The following DNM3 variants were observed in gnomAD, a reference collection of about 807,000 sequenced individuals.
DNM3 encodes the protein dynamin 3, also known as dynamin-3.
A neutral mutation model predicts 101.6 loss-of-function variants in DNM3; 47 were observed. That is an observed-to-expected ratio of 0.46 (90% CI 0.37 to 0.59). The LOEUF (loss-of-function observed/expected upper bound fraction) is 0.59. DNM3 is among the 20% of genes least tolerant of loss of function. The pLI, the probability that DNM3 is intolerant of heterozygous loss-of-function variation, is 0.00. For missense variants in DNM3, 849 were observed against 1,085.7 expected (o/e 0.78, Z 3.06); for synonymous variants, 385 against 387.9 (o/e 0.99, Z 0.09).
At chr1:172,061,673 G>A (rs933766607) in intron 10 of DNM3, among the ~76,000 whole-genome samples, 5 of 135,634 alleles carry the variant, frequency 3.7e-5, no homozygotes, top group African/African-American at 1.4e-4. Context: ...ACAGGAAGGG[G>A]AACATCACAC....
intron 4 of DNM3, among the ~76,000 whole-genome samples, chr1:172,009,122 A>ATAT (rs2046937774): frequency 1.0e-4 from 14 of 138,064 alleles, no homozygotes; most frequent in Non-Finnish European, 1.5e-5. Context: ...TATATCATAT[A>ATAT]ATATATATAT....
chr1:172,304,653 TG>T (rs1265982408), intron 15 of DNM3, among the ~76,000 whole-genome samples: 1 of 152,160 alleles, frequency 6.6e-6, no homozygotes, highest in South Asian at 2.1e-4. Flanking sequence ...CCTCAGCAAA[TG>T]TAAAAGAACA....
intron 20 of DNM3, among the ~76,000 whole-genome samples, chr1:172,396,543 T>C (rs941755232): frequency 1.3e-5 from 2 of 152,198 alleles, no homozygotes; most frequent in East Asian, 3.9e-4. Context: ...AAAGTCTGGA[T>C]AGCCACAACT....
At chr1:172,012,419 A>G (rs936654789) in intron 4 of DNM3, among the ~76,000 whole-genome samples, 4 of 152,048 alleles carry the variant, frequency 2.6e-5, no homozygotes, top group Non-Finnish European at 5.9e-5. Flanking sequence ...TTCAATTGTA[A>G]GAAGGATTTG....
chr1:172,384,627 G>A (rs528034578), intron 18 of DNM3, among the ~76,000 whole-genome samples: 1 of 152,262 alleles, frequency 6.6e-6, no homozygotes, highest in South Asian at 2.1e-4. Context: ...AAGATTCAAG[G>A]CACATCTTTG....
intron 14 of DNM3, among the ~76,000 whole-genome samples, chr1:172,191,416 T>C (rs1199140098): frequency 6.6e-6 from 1 of 152,216 alleles, no homozygotes; most frequent in Non-Finnish European, 1.5e-5. Context: ...TTGGTTACTG[T>C]AGCCTTGTAG....
At chr1:171,883,204 A>G (rs1271660306) in intron 1 of DNM3, among the ~76,000 whole-genome samples, 1 of 151,676 alleles carries the variant, frequency 6.6e-6, no homozygotes. Flanking sequence ...AATTGTTTCT[A>G]TTTTTCTTAT....
At chr1:172,320,253 G>C (rs2065637203) in intron 16 of DNM3, among the ~76,000 whole-genome samples, 1 of 149,628 alleles carries the variant, frequency 6.7e-6, no homozygotes, top group South Asian at 2.2e-4. Flanking sequence ...GATGGGGGAG[G>C]GATAGCATTA....
intron 15 of DNM3, among the ~76,000 whole-genome samples, chr1:172,307,065 G>A (rs1422119695): frequency 6.6e-6 from 1 of 152,100 alleles, no homozygotes; most frequent in Non-Finnish European, 1.5e-5. Flanking sequence ...CACAGCAAAA[G>A]AAACTACCAT....
At chr1:172,263,110 A>G (rs2062728549) in intron 15 of DNM3, among the ~76,000 whole-genome samples, 1 of 152,200 alleles carries the variant, frequency 6.6e-6, no homozygotes, top group Non-Finnish European at 1.5e-5. Flanking sequence ...GTGGCCTTTC[A>G]TTATCAATAG....
intron 4 of DNM3, among the ~76,000 whole-genome samples, chr1:172,001,331 T>C (rs551535365): frequency 6.6e-6 from 1 of 152,134 alleles, no homozygotes; most frequent in South Asian, 2.1e-4. Flanking sequence ...GACATCTGCT[T>C]GTTTTATAGA....
At chr1:172,117,645 T>C (rs548840285) in intron 13 of DNM3, among the ~76,000 whole-genome samples, 1 of 152,338 alleles carries the variant, frequency 6.6e-6, no homozygotes, top group East Asian at 1.9e-4. Context: ...GGTATGTTTT[T>C]ATCAGCAGTG....
At chr1:171,843,976 T>A (rs908801997) in intron 1 of DNM3, among the ~76,000 whole-genome samples, 1 of 152,172 alleles carries the variant, frequency 6.6e-6, no homozygotes, top group Admixed American at 6.5e-5. Flanking sequence ...AGGAAAAAGG[T>A]CATTTAATTC....
chr1:171,950,613 T>C (rs143966444), intron 2 of DNM3, among the ~76,000 whole-genome samples: 177 of 152,246 alleles, frequency 1.2e-3, no homozygotes, highest in African/African-American at 4.0e-3. Flanking sequence ...TATATAAAAA[T>C]ATAGAAAATG....
At chr1:172,212,874 GCCTTA>G (rs2060561185) in intron 14 of DNM3, among the ~76,000 whole-genome samples, 1 of 152,040 alleles carries the variant, frequency 6.6e-6, no homozygotes, top group Non-Finnish European at 1.5e-5. Context: ...ATGTACTCTC[GCCTTA>G]CCTGAGTCTT....
rs893354455 is a variant in DNM3 at position 172,410,472 on chromosome 1, C to G, written c.*2631C>G. On this transcript the variant is annotated 3_prime_UTR_variant, in exon 21 of 21. Transcript: ENST00000627582. ...TGTTTTTAGGATTTGGGAAAATAAA[C>G]TGTAAATGTTTATTTGATAGGTAAA... 5 of 983,966 alleles carry G rather than the reference C, an allele frequency of 5.1e-6. No homozygotes were observed. The highest frequency in any genetic ancestry group is 1.2e-4 in the Admixed American group (2 of 16,254). 61.0% of individuals were successfully genotyped at this position (983,966 alleles called of 1,614,324 possible).
chr1:172,214,587 A>G (rs1203795453), intron 14 of DNM3, among the ~76,000 whole-genome samples: 1 of 152,132 alleles, frequency 6.6e-6, no homozygotes, highest in East Asian at 1.9e-4. Context: ...ACATAATTAG[A>G]TATGTTTGGG....
At chr1:171,845,864 T>G (rs1004632618) in intron 1 of DNM3, among the ~76,000 whole-genome samples, 1 of 152,206 alleles carries the variant, frequency 6.6e-6, no homozygotes, top group African/African-American at 2.4e-5. Context: ...GAAATATTAG[T>G]TTTTCAATGC....
chr1:171,936,510 A>G (rs187670887), intron 2 of DNM3, among the ~76,000 whole-genome samples: 25 of 152,336 alleles, frequency 1.6e-4, no homozygotes, highest in Admixed American at 1.2e-3. Flanking sequence ...TATTTCAATG[A>G]CATTAGTATA....
Sources: allele counts gnomAD v4.1 joint callset (sites outside exome capture counted in the v4.1 genomes callset), GRCh38; gene constraint gnomAD v4.1.1; transcripts MANE v1.5; gene names NCBI Gene and HGNC (gene_info 2026-07-23, HGNC 2026-07-21).